GCAT: variants seen among roughly 807,000 people sequenced by gnomAD.
GCAT encodes the protein glycine C-acetyltransferase.
A neutral mutation model predicts 39.7 loss-of-function variants in GCAT; 26 were observed. The observed-to-expected ratio is 0.65, with a 90% confidence interval of 0.48 to 0.91. The LOEUF (loss-of-function observed/expected upper bound fraction) is 0.91, where lower values mean the gene tolerates loss of function less well. Among genes scored for constraint, GCAT ranks in the 40% least tolerant of loss-of-function variants. GCAT has a pLI of 0.00. For missense variants in GCAT, 550 were observed against 576.2 expected, an observed-to-expected ratio of 0.95 and a Z score of 0.47; for synonymous variants, 218 against 237.2, an observed-to-expected ratio of 0.92 and a Z score of 0.74.
In GCAT at chr22:37,810,123, GC is replaced by G; in HGVS notation, c.295del (p.Leu99SerfsTer17). On this transcript the variant is annotated frameshift_variant, in exon 2 of 9. Transcript: ENST00000248924. LOFTEE classifies it high-confidence loss of function. ...GLQALEEFGA[G>X]LSSVRFICGT... The stretch of plus-strand genomic sequence containing the variant: ...CAGGCTCTGGAGGAGTTTGGAGCTG[GC>G]CTCAGCTCTGTCCGCTTTATCTGTG... 1.2e-6 allele frequency: 2 copies of G among 1,613,942 alleles called. No individual in the cohort carries two copies. Among genetic ancestry groups the G allele is most frequent in the Non-Finnish European group, 1.7e-6 (2 of 1,179,752 alleles).
Position 37,815,466 on chromosome 22 carries a change from C to G in GCAT, c.780C>G (p.Asn260Lys). 1 of 1,610,164 alleles carries G rather than the reference C, an allele frequency of 6.2e-7. No homozygotes were observed. Among genetic ancestry groups the G allele is most frequent in the Non-Finnish European group, 8.5e-7 (1 of 1,178,824 alleles). ...TGATGGACCAGGTCACCATCATCAA[C>G]TCCACCCTGGGGAAGGCCCTGGGTG... Reference protein sequence around the residue: ...LGVMDQVTIINSTLGKALGGA... With the variant: ...LGVMDQVTIIKSTLGKALGGA... The change falls in exon 6 of 9, where the codon AAC (asparagine) becomes AAG (lysine). Residue 260 changes from asparagine (N) to lysine (K), a missense_variant. Asn to Lys is a moderately conservative substitution (Grantham distance 94). Transcript: ENST00000248924.
intron 2 of GCAT, among the ~76,000 whole-genome samples, chr22:37,812,152 A>T (rs1921667633): frequency 6.9e-6 from 1 of 144,962 alleles, no homozygotes; most frequent in Non-Finnish European, 1.5e-5. Flanking sequence ...GCAACATAGC[A>T]AGACCCTCTC....
chr22:37,815,885 C>T (rs776958742), intron 7 of GCAT, 51 bp downstream of exon 7: 26 of 1,598,950 alleles, frequency 1.6e-5, no homozygotes, highest in Non-Finnish European at 1.8e-5. Context: ...TGGTGAGAGC[C>T]AGCCTCATGT....
chr22:37,810,512 ATT>A lies in GCAT; in HGVS notation c.327+376_327+377del, dbSNP rs36110853. ...ACAGGCATGCTACCACACCCAGCTA[ATT>A]TTTTTTTTTTTTTTTTTTTTGAGAT... On this transcript the variant is annotated intron_variant, in intron 2 of 8. Transcript: ENST00000248924. Among the ~76,000 whole-genome samples, 505 of 103,050 alleles carry A rather than the reference ATT, an allele frequency of 4.9e-3. 2 individuals carry two copies. The highest frequency in any genetic ancestry group is 0.019 in the African/African-American group (471 of 25,344). 67.6% of individuals were successfully genotyped at this position (103,050 alleles called of 152,430 possible).
rs1347878828 is a variant in GCAT at position 37,813,248 on chromosome 22, C to G, written c.430-215C>G. On this transcript the variant is annotated intron_variant, in intron 3 of 8. Transcript: ENST00000248924. ...GGGGGAGGCGGGGGCCTGGTACTCACCAAATATATTCTCACCTCCTCTTAC... is the reference window on the plus strand; with the variant it reads ...GGGGGAGGCGGGGGCCTGGTACTCAGCAAATATATTCTCACCTCCTCTTAC... The G allele has an allele frequency of 2.4e-5, 17 of 697,682 alleles. No individual in the cohort carries two copies. In the South Asian group the frequency reaches 2.5e-4, roughly 10 times the overall value. 43.2% of individuals were successfully genotyped at this position (697,682 alleles called of 1,614,324 possible).
intron 3 of GCAT, 87 bp downstream of exon 3, chr22:37,813,075 C>A: frequency 1.0e-6 from 1 of 954,420 alleles, no homozygotes; most frequent in Non-Finnish European, 1.7e-6. Flanking sequence ...GAGAACCTAG[C>A]AGGATTCAGT....
At chr22:37,815,072 G>C in intron 4 of GCAT, 54 bp from the exon 5 acceptor site, 1 of 1,585,642 alleles carries the variant, frequency 6.3e-7, no homozygotes, top group Non-Finnish European at 8.6e-7. Flanking sequence ...ACAAGAGACG[G>C]GTGGTTTGGC....
Position 37,808,169 on chromosome 22 carries a change from G to T in GCAT, c.196+6G>T, listed in dbSNP as rs2145909823. 6.7e-7 allele frequency: 1 copy of T among 1,482,116 alleles called. No individual in the cohort carries two copies. The allele number at this position is 1,482,116 out of a possible 1,614,324, so 91.8% of individuals were successfully genotyped here. On this transcript the variant is annotated splice_donor_region_variant and intron_variant, in intron 1 of 8. Transcript: ENST00000248924. ...CGTGGACGGCGTCTCCGGAGGTAACGCTCCGTTCCGGGAGTCGTTCCAAGA... is the reference window on the plus strand; with the variant it reads ...CGTGGACGGCGTCTCCGGAGGTAACTCTCCGTTCCGGGAGTCGTTCCAAGA...
chr22:37,814,082 A>G (rs1396010216), intron 4 of GCAT, among the ~76,000 whole-genome samples: 1 of 151,786 alleles, frequency 6.6e-6, no homozygotes, highest in Non-Finnish European at 1.5e-5. Flanking sequence ...GCATTATTCC[A>G]TTGTGCCATG....
chr22:37,815,838 C>G lies in GCAT; in HGVS notation c.986+4C>G. On this transcript the variant is annotated splice_donor_region_variant and intron_variant, in intron 7 of 8. Coordinates refer to ENST00000248924, the MANE Select transcript of GCAT (RefSeq NM_014291.4). Reference sequence around the variant, plus strand: ...CTATGGCTGCCAAGACCCAGAGGTGCGACTCCCAGCAGGGCAGGCTCGGGG... The same window carrying G: ...CTATGGCTGCCAAGACCCAGAGGTGGGACTCCCAGCAGGGCAGGCTCGGGG... 2 of 1,613,506 alleles carry G rather than the reference C, an allele frequency of 1.2e-6. No individual in the cohort carries two copies. The highest frequency in any genetic ancestry group is 2.2e-5 in the South Asian group (2 of 91,050).
At chr22:37,813,314 G>A (rs1921803201) in intron 3 of GCAT, 149 bp from the exon 4 acceptor site, 4 of 886,510 alleles carry the variant, frequency 4.5e-6, no homozygotes, top group Non-Finnish European at 7.4e-6. Flanking sequence ...GAGACACGGG[G>A]GCCCCAGAGA....
At chr22:37,811,037 C>G (rs1409517500) in intron 2 of GCAT, among the ~76,000 whole-genome samples, 2 of 152,206 alleles carry the variant, frequency 1.3e-5, no homozygotes, top group Non-Finnish European at 2.9e-5. Flanking sequence ...TGGGGCTGTT[C>G]TGACGGGAGC....
At chr22:37,816,007 C>T (rs996579284) in intron 7 of GCAT, 173 bp downstream of exon 7, 1 of 436,792 alleles carries the variant, frequency 2.3e-6, no homozygotes. Flanking sequence ...TCCTTCTTAT[C>T]CCTCCTGTCT....
chr22:37,816,987 C>T (rs1179754757), downstream of GCAT: 3 of 427,166 alleles, frequency 7.0e-6, no homozygotes, highest in African/African-American at 2.0e-5. Flanking sequence ...AGGGGAGGCG[C>T]CTGAGGACTG....
In GCAT at chr22:37,816,561, T is replaced by A; in HGVS notation, c.1109-6T>A. The A allele has an allele frequency of 1.2e-6, 2 of 1,614,054 alleles. No individual in the cohort carries two copies. Among genetic ancestry groups the A allele is most frequent in the Non-Finnish European group, 8.5e-7 (1 of 1,179,984 alleles). ...TCTGGCACGCCCTTGCTTTCTACCC[T>A]CCCAGGCATCTTTGTCATCGGGTTC... On this transcript the variant is annotated splice_polypyrimidine_tract_variant and splice_region_variant and intron_variant, in intron 8 of 8. Coordinates refer to ENST00000248924, the MANE Select transcript of GCAT (RefSeq NM_014291.4).
intron 6 of GCAT, 36 bp from the exon 7 acceptor site, chr22:37,815,627 A>T: frequency 6.5e-7 from 1 of 1,533,896 alleles, no homozygotes. Flanking sequence ...CTGGCCCCTG[A>T]CCAACCCCTC....
At chr22:37,813,426 G>A in intron 3 of GCAT, 37 bp from the exon 4 acceptor site, 1 of 1,565,470 alleles carries the variant, frequency 6.4e-7, no homozygotes, top group South Asian at 1.2e-5. Context: ...GCCCAGGGTG[G>A]TTAAATGATG....
Position 37,816,763 on chromosome 22 carries a change from A to C in GCAT, c.*45A>C. ...AGAGCCAAGGTCCGCCTACTGCCAC[A>C]GGGTCAAAGGAGGTTTTCGATCAGC... On this transcript the variant is annotated 3_prime_UTR_variant, in exon 9 of 9. Transcript: ENST00000248924. 1 of 1,602,898 alleles carries C rather than the reference A, an allele frequency of 6.2e-7. No homozygotes were observed. Among genetic ancestry groups the C allele is most frequent in the Non-Finnish European group, 8.5e-7 (1 of 1,171,384 alleles).
intron 4 of GCAT, among the ~76,000 whole-genome samples, chr22:37,814,888 A>C (rs1921984335): frequency 6.6e-6 from 1 of 152,186 alleles, no homozygotes; most frequent in Non-Finnish European, 1.5e-5. Flanking sequence ...GGGACCTTAC[A>C]CAGGAGACTG....
Sources: allele counts gnomAD v4.1 joint callset (sites outside exome capture counted in the v4.1 genomes callset), GRCh38; gene constraint gnomAD v4.1.1; transcripts MANE v1.5; gene names NCBI Gene and HGNC (gene_info 2026-07-23, HGNC 2026-07-21).